Variants in GRHL2 observed in about 807,000 individuals in gnomAD.
GRHL2 encodes the protein grainyhead-like protein 2 homolog.
In GRHL2, 21 loss-of-function variants were observed where a neutral mutation model predicts 83.8. The ratio of observed to expected loss-of-function variants is 0.25; its 90% CI spans 0.18 to 0.36. GRHL2 has a LOEUF of 0.36. GRHL2 is among the 10% of genes least tolerant of loss of function. The probability of loss-of-function intolerance (pLI) is 1.00; values close to 1 mark genes in which losing one functional copy is unlikely to be tolerated. For synonymous variants in GRHL2, 280 were observed against 278.9 expected, an observed-to-expected ratio of 1.00 and a Z score of -0.04; for missense variants, 623 against 781.8, an observed-to-expected ratio of 0.80 and a Z score of 2.42.
Position 101,555,263 on chromosome 8 carries a change from T to A in GRHL2, c.284+2481T>A, listed in dbSNP as rs552193858. ...TAGCCAATAAATGTAGACCAATTTA[T>A]GTACTCCTAACCTGTAGGGGCTTAT... On this transcript the variant is annotated intron_variant, in intron 3 of 15. Transcript: ENST00000646743. Among the ~76,000 whole-genome samples, 11 of 152,338 alleles carry A rather than the reference T, an allele frequency of 7.2e-5. No individual in the cohort carries two copies. In the East Asian group the frequency reaches 1.9e-3, roughly 27 times the overall value.
At chr8:101,511,394 C>T (rs1011342357) in intron 1 of GRHL2, among the ~76,000 whole-genome samples, 2 of 152,186 alleles carry the variant, frequency 1.3e-5, no homozygotes, top group African/African-American at 2.4e-5. Flanking sequence ...CCTACCATCC[C>T]AGCAGTGCAT....
chr8:101,575,150 T>C (rs1428071694), intron 6 of GRHL2, among the ~76,000 whole-genome samples: 1 of 152,104 alleles, frequency 6.6e-6, no homozygotes, highest in African/African-American at 2.4e-5. Context: ...TCCTATAAAT[T>C]ACATCCTCCC....
intron 8 of GRHL2, among the ~76,000 whole-genome samples, chr8:101,618,987 C>A (rs1169313189): frequency 6.6e-6 from 1 of 152,176 alleles, no homozygotes; most frequent in Non-Finnish European, 1.5e-5. Context: ...GGCACGGTGG[C>A]TCACGCCTGT....
At chr8:101,552,933 C>T in intron 3 of GRHL2, 151 bp downstream of exon 3, 1 of 774,576 alleles carries the variant, frequency 1.3e-6, no homozygotes, top group Non-Finnish European at 2.2e-6. Flanking sequence ...CTAGATCTCT[C>T]AATGAGGAGA....
intron 1 of GRHL2, among the ~76,000 whole-genome samples, chr8:101,519,366 C>A (rs1483245299): frequency 1.3e-5 from 2 of 150,988 alleles, no homozygotes; most frequent in Non-Finnish European, 2.9e-5. Context: ...CATAGCTATT[C>A]CCAAATCCAA....
At chr8:101,584,779 T>C (rs1304610841) in intron 7 of GRHL2, among the ~76,000 whole-genome samples, 1 of 151,664 alleles carries the variant, frequency 6.6e-6, no homozygotes, top group Non-Finnish European at 1.5e-5. Context: ...TGTTGGGAAG[T>C]CAGGTAGCCA....
intron 1 of GRHL2, among the ~76,000 whole-genome samples, chr8:101,537,745 C>CAGGGAG (rs1811071685): frequency 6.6e-6 from 1 of 152,072 alleles, no homozygotes; most frequent in Non-Finnish European, 1.5e-5. Context: ...GAGATTTAAA[C>CAGGGAG]CGAAGTTACC....
chr8:101,661,546 A>T (rs1413738698), intron 14 of GRHL2, among the ~76,000 whole-genome samples: 2 of 152,232 alleles, frequency 1.3e-5, no homozygotes, highest in African/African-American at 4.8e-5. Flanking sequence ...ATACATTGTA[A>T]AGGCCATGCA....
At chr8:101,597,032 T>G (rs1045983293) in intron 7 of GRHL2, among the ~76,000 whole-genome samples, 2 of 152,114 alleles carry the variant, frequency 1.3e-5, no homozygotes, top group Non-Finnish European at 1.5e-5. Context: ...GTAGAAGAAG[T>G]GCAAATATGT....
At chr8:101,585,896 ATC>A (rs1368555950) in intron 7 of GRHL2, among the ~76,000 whole-genome samples, 1 of 151,998 alleles carries the variant, frequency 6.6e-6, no homozygotes, top group African/African-American at 2.4e-5. Context: ...TGAGGCTAGT[ATC>A]TCGGGAAAAT....
In GRHL2 at chr8:101,577,531, T is replaced by C. The variant is rs377516464; in HGVS notation, c.1003+12T>C. 122 of 1,541,084 alleles carry C rather than the reference T, an allele frequency of 7.9e-5. 1 individual carries two copies. Among genetic ancestry groups the C allele is most frequent in the Non-Finnish European group, 1.1e-4 (120 of 1,114,084 alleles). On this transcript the variant is annotated intron_variant, in intron 7 of 15. Coordinates refer to ENST00000646743, the MANE Select transcript of GRHL2 (RefSeq NM_024915.4). ...GGTCCTTGACATTGGTAAGTTGACC[T>C]TGACTTCCCTGTATAGTCCTCGATA...
intron 1 of GRHL2, among the ~76,000 whole-genome samples, chr8:101,499,085 A>G (rs1040274539): frequency 6.6e-6 from 1 of 152,112 alleles, no homozygotes; most frequent in African/African-American, 2.4e-5. Flanking sequence ...AAAAAAAAAA[A>G]AAAGTACTTG....
chr8:101,533,152 A>T (rs1270053552), intron 1 of GRHL2, among the ~76,000 whole-genome samples: 16 of 151,364 alleles, frequency 1.1e-4, no homozygotes, highest in African/African-American at 2.7e-4. Flanking sequence ...TTTTTTTTTT[A>T]AATTTGAAGG....
rs1232992727 is a variant in GRHL2 at position 101,580,232 on chromosome 8, T to A, written c.1003+2713T>A. Among the ~76,000 whole-genome samples the A allele has an allele frequency of 2.0e-5, 3 of 152,346 alleles. No individual in the cohort carries two copies. The East Asian group carries it at 5.8e-4, about 29-fold the overall frequency. ...TACCTGTGATATTTTGATACAGGCATACAATATGCAATGATCAAATCAGGG... is the reference window on the plus strand; with the variant it reads ...TACCTGTGATATTTTGATACAGGCAAACAATATGCAATGATCAAATCAGGG... On this transcript the variant is annotated intron_variant, in intron 7 of 15. Transcript: ENST00000646743.
intron 1 of GRHL2, among the ~76,000 whole-genome samples, chr8:101,515,433 T>C (rs911853077): frequency 2.0e-5 from 3 of 152,332 alleles, no homozygotes; most frequent in East Asian, 3.9e-4. Context: ...CTTGTTACAA[T>C]ATAGTGAGGA....
intron 7 of GRHL2, among the ~76,000 whole-genome samples, chr8:101,581,093 C>T (rs10955258): frequency 0.26 from 39,967 of 152,168 alleles, 5,358 homozygotes; most frequent in South Asian, 0.34. Context: ...ACCCACCAGG[C>T]CCTGTCTACA....
chr8:101,566,586 T>C (rs936852975), intron 4 of GRHL2, among the ~76,000 whole-genome samples: 8 of 148,040 alleles, frequency 5.4e-5, no homozygotes, highest in Non-Finnish European at 8.9e-5. Flanking sequence ...ATAAATATAA[T>C]AATATTATTA....
intron 7 of GRHL2, among the ~76,000 whole-genome samples, chr8:101,587,508 A>G (rs1812192387): frequency 1.3e-5 from 2 of 152,180 alleles, no homozygotes; most frequent in Non-Finnish European, 2.9e-5. Flanking sequence ...CATTTTTTTA[A>G]ATACACATTT....
intron 1 of GRHL2, among the ~76,000 whole-genome samples, chr8:101,493,738 C>A (rs1302507444): frequency 6.6e-6 from 1 of 152,056 alleles, no homozygotes; most frequent in Non-Finnish European, 1.5e-5. Context: ...GGGCTCGGGG[C>A]GGCGGGAACG....
Sources: allele counts gnomAD v4.1 joint callset (sites outside exome capture counted in the v4.1 genomes callset), GRCh38; gene constraint gnomAD v4.1.1; transcripts MANE v1.5; gene names NCBI Gene and HGNC (gene_info 2026-07-23, HGNC 2026-07-21).